OPCML: variants seen among roughly 807,000 people sequenced by gnomAD.
OPCML encodes opioid-binding protein/cell adhesion molecule.
A neutral mutation model predicts 37.8 loss-of-function variants in OPCML; 13 were observed. The observed-to-expected ratio is 0.34, with a 90% CI of 0.22 to 0.55. The LOEUF is 0.55. Among genes scored for constraint, OPCML ranks in the 20% least tolerant of loss-of-function variants. The probability of loss-of-function intolerance (pLI) is 0.91; values close to 1 mark genes in which losing one functional copy is unlikely to be tolerated. For missense variants in OPCML, 341 were observed against 435.6 expected (o/e 0.78, Z 1.93); for synonymous variants, 176 against 168.8 (o/e 1.04, Z -0.33).
intron 2 of OPCML, among the ~76,000 whole-genome samples, chr11:132,874,716 G>A (rs1015901497): frequency 1.8e-4 from 27 of 152,130 alleles, no homozygotes; most frequent in Non-Finnish European, 3.7e-4. Flanking sequence ...CCTTATGAAC[G>A]AAACCTTAAG....
chr11:132,753,942 CAAAG>C (rs1945937999), intron 2 of OPCML, among the ~76,000 whole-genome samples: 2 of 152,290 alleles, frequency 1.3e-5, no homozygotes, highest in Admixed American at 1.3e-4. Context: ...TCCTAGCAGG[CAAAG>C]AAAGAGGCAT....
At chr11:133,141,104 A>AAGAAGAAGAAGC (rs1565469412) in intron 1 of OPCML, among the ~76,000 whole-genome samples, 5 of 135,180 alleles carry the variant, frequency 3.7e-5, no homozygotes, top group African/African-American at 8.1e-5. Flanking sequence ...GGAGAAGAAG[A>AAGAAGAAGAAGC]AGCAGCTGAA....
chr11:132,870,736 A>T (rs1942763804), intron 2 of OPCML, among the ~76,000 whole-genome samples: 1 of 152,196 alleles, frequency 6.6e-6, no homozygotes, highest in African/African-American at 2.4e-5. Context: ...AAATAAGGAA[A>T]TCCTGTCATT....
chr11:132,947,737 G>A (rs527675739), intron 1 of OPCML, among the ~76,000 whole-genome samples: 87 of 152,274 alleles, frequency 5.7e-4, no homozygotes, highest in African/African-American at 1.8e-3. Flanking sequence ...ATCATGACAC[G>A]GTGGCCCCTA....
chr11:133,451,888 C>A (rs936657653), intron 1 of OPCML, among the ~76,000 whole-genome samples: 2 of 151,114 alleles, frequency 1.3e-5, no homozygotes, highest in African/African-American at 4.9e-5. Flanking sequence ...CTGAATGCCT[C>A]CTCTGCAGGG....
intron 1 of OPCML, among the ~76,000 whole-genome samples, chr11:133,354,273 G>GGTGATA (rs1944220088): frequency 6.6e-6 from 1 of 152,262 alleles, no homozygotes; most frequent in Non-Finnish European, 1.5e-5. Context: ...TGGTAGTGGT[G>GGTGATA]GTGATAGTGA....
At chr11:133,427,189 T>C (rs1170033463) in intron 1 of OPCML, among the ~76,000 whole-genome samples, 1 of 152,090 alleles carries the variant, frequency 6.6e-6, no homozygotes, top group African/African-American at 2.4e-5. Context: ...ACGGACCTTA[T>C]AAAACCTAAT....
intron 1 of OPCML, among the ~76,000 whole-genome samples, chr11:132,955,897 G>C (rs1312585392): frequency 6.6e-6 from 1 of 152,036 alleles, no homozygotes; most frequent in Non-Finnish European, 1.5e-5. Flanking sequence ...ACAAAACAAA[G>C]AAAATGCTGA....
intron 1 of OPCML, among the ~76,000 whole-genome samples, chr11:133,142,281 T>G (rs905719634): frequency 1.3e-5 from 2 of 152,234 alleles, no homozygotes; most frequent in Non-Finnish European, 2.9e-5. Flanking sequence ...AGCTTGGCAC[T>G]CAATGTTCTT....
intron 1 of OPCML, among the ~76,000 whole-genome samples, chr11:133,222,139 T>A (rs1216389780): frequency 2.0e-5 from 3 of 152,186 alleles, no homozygotes; most frequent in South Asian, 4.2e-4. Flanking sequence ...GCTGCTGGGT[T>A]GTGGATGGGC....
rs142873716 is a variant in OPCML, at chr11:133,234,367, C to G, written c.62-291357G>C. ...GGAGGATTACTTAGAGGCTTCTTCTCTCTCTAGGCAGGACCACAGCAGTCA... is the reference window on the plus strand; with the variant it reads ...GGAGGATTACTTAGAGGCTTCTTCTGTCTCTAGGCAGGACCACAGCAGTCA... On this transcript the variant is annotated intron_variant, in intron 1 of 7. Coordinates refer to ENST00000524381, the MANE Select transcript of OPCML (RefSeq NM_001012393.5). Among the ~76,000 whole-genome samples the G allele has an allele frequency of 3.8e-3, 576 of 152,350 alleles. 8 individuals carry two copies. Among genetic ancestry groups the G allele is most frequent in the African/African-American group, 0.013 (554 of 41,590 alleles).
chr11:132,894,525 C>T (rs746611101), intron 2 of OPCML, among the ~76,000 whole-genome samples: 4 of 152,172 alleles, frequency 2.6e-5, no homozygotes. Flanking sequence ...GTTAATTTTA[C>T]GTATCCACCT....
chr11:133,347,957 C>T (rs998844357), intron 1 of OPCML, among the ~76,000 whole-genome samples: 3 of 152,140 alleles, frequency 2.0e-5, no homozygotes, highest in African/African-American at 7.2e-5. Context: ...ATATGACAAT[C>T]CATATCAAAA....
intron 1 of OPCML, among the ~76,000 whole-genome samples, chr11:133,192,764 C>T (rs1251279376): frequency 6.6e-6 from 1 of 152,140 alleles, no homozygotes; most frequent in Non-Finnish European, 1.5e-5. Flanking sequence ...TAAGGGAAAG[C>T]ACTGTGCAAA....
intron 1 of OPCML, among the ~76,000 whole-genome samples, chr11:133,039,279 T>G (rs1404525660): frequency 6.6e-6 from 1 of 152,146 alleles, no homozygotes; most frequent in Non-Finnish European, 1.5e-5. Context: ...TGCCCTCACG[T>G]TTCCTTCTGT....
intron 2 of OPCML, among the ~76,000 whole-genome samples, chr11:132,663,821 T>C (rs769858333): frequency 3.3e-5 from 5 of 152,126 alleles, no homozygotes; most frequent in Non-Finnish European, 7.4e-5. Context: ...GTTGTTTTTT[T>C]TGTTTGTTTT....
At chr11:133,309,542 T>C (rs1943017625) in intron 1 of OPCML, among the ~76,000 whole-genome samples, 1 of 152,196 alleles carries the variant, frequency 6.6e-6, no homozygotes, top group Non-Finnish European at 1.5e-5. Flanking sequence ...CTGGATTGAA[T>C]CTTGTGACAG....
chr11:133,221,301 C>T (rs536805498), intron 1 of OPCML, among the ~76,000 whole-genome samples: 2 of 152,204 alleles, frequency 1.3e-5, no homozygotes, highest in Admixed American at 6.5e-5. Flanking sequence ...GTAGGGAAAG[C>T]TGGGTCCCCT....
rs117078861 is a variant in OPCML, at chr11:132,826,756, G to C, written c.146+116170C>G. 3.9e-3 allele frequency among the ~76,000 whole-genome samples: 596 copies of C among 152,276 alleles called. 1 individual carries two copies. The highest frequency in any genetic ancestry group is 6.7e-3 in the Non-Finnish European group (458 of 68,018). On this transcript the variant is annotated intron_variant, in intron 2 of 7. Coordinates refer to ENST00000524381, the MANE Select transcript of OPCML (RefSeq NM_001012393.5). Reference sequence around the variant, plus strand: ...TTCTCTGAGTCTTGGCAATAGATAAGAAGGTATGTAATCATACAGAAGGTG... The same window carrying C: ...TTCTCTGAGTCTTGGCAATAGATAACAAGGTATGTAATCATACAGAAGGTG...
Sources: allele counts gnomAD v4.1 joint callset (sites outside exome capture counted in the v4.1 genomes callset), GRCh38; gene constraint gnomAD v4.1.1; transcripts MANE v1.5; gene names NCBI Gene and HGNC (gene_info 2026-07-23, HGNC 2026-07-21).